Variants in NPIPB2 observed in about 807,000 individuals in gnomAD.
The protein encoded by NPIPB2 is nuclear pore complex-interacting protein family member B2.
Under a neutral mutation model 30.8 loss-of-function variants are expected in NPIPB2, and 27 were observed. The ratio of observed to expected loss-of-function variants is 0.88; its 90% CI spans 0.65 to 1.21. The LOEUF is 1.21. Ranked by LOEUF, NPIPB2 falls within the 50% of genes most tolerant of loss-of-function variation. The pLI, the probability that NPIPB2 is intolerant of heterozygous loss-of-function variation, is 0.00. For synonymous variants in NPIPB2, 147 were observed against 162.0 expected (o/e 0.91, Z 0.70); for missense variants, 440 against 446.2 (o/e 0.99, Z 0.13).
At chr16:11,951,696 A>G (rs1596500921) in intron 1 of NPIPB2, among the ~76,000 whole-genome samples, 2 of 148,500 alleles carry the variant, frequency 1.3e-5, no homozygotes, top group East Asian at 4.0e-4. Flanking sequence ...AATTCAGAGT[A>G]TGTCAAAGGG....
chr16:11,948,489 G>C (rs918835294), intron 1 of NPIPB2, among the ~76,000 whole-genome samples: 1 of 151,914 alleles, frequency 6.6e-6, no homozygotes, highest in African/African-American at 2.4e-5. Flanking sequence ...GAAACTTACT[G>C]GGCGCAGTGG....
chr16:11,944,677 C>T (rs192332755), upstream of NPIPB2, among the ~76,000 whole-genome samples: 90 of 122,358 alleles, frequency 7.4e-4, no homozygotes, highest in Non-Finnish European at 1.2e-3. Flanking sequence ...GCAGGAGAAT[C>T]GCTTGAACCT....
At chr16:11,951,075 C>T (rs948250273) in intron 1 of NPIPB2, among the ~76,000 whole-genome samples, 22 of 152,028 alleles carry the variant, frequency 1.4e-4, no homozygotes, top group Non-Finnish European at 2.9e-4. Flanking sequence ...ACATCTCTCT[C>T]ACTATGTCAA....
chr16:11,966,177 G>C (rs764035207), intron 1 of NPIPB2: 2 of 1,601,172 alleles, frequency 1.2e-6, no homozygotes, highest in African/African-American at 1.3e-5. Context: ...TTATCTGTCT[G>C]ATGTTCTTTT....
chr16:11,954,097 AT>A (rs34698612), intron 1 of NPIPB2, among the ~76,000 whole-genome samples: 3 of 151,000 alleles, frequency 2.0e-5, no homozygotes, highest in East Asian at 1.9e-4. Context: ...GTTATTTCCA[AT>A]TTTTTTTTGC....
At chr16:11,930,941 C>T (rs2150907370) in intron 4 of NPIPB2, among the ~76,000 whole-genome samples, 1 of 105,728 alleles carries the variant, frequency 9.5e-6, no homozygotes, top group South Asian at 4.1e-4. Context: ...CAATTCATCA[C>T]AACTAACTCC....
chr16:11,951,625 TACACACACACACACAC>T (rs1214348316), intron 1 of NPIPB2, among the ~76,000 whole-genome samples: 3 of 95,866 alleles, frequency 3.1e-5, no homozygotes, highest in African/African-American at 4.6e-5. Context: ...CACATACACA[TACACACACACACACAC>T]ACACACACAC....
chr16:11,969,563 T>C (rs2055222418), intron 1 of NPIPB2, among the ~76,000 whole-genome samples: 1 of 152,134 alleles, frequency 6.6e-6, no homozygotes, highest in Non-Finnish European at 1.5e-5. Flanking sequence ...CCTTTTCTCT[T>C]TATTGTTAAA....
chr16:11,953,691 A>T (rs1355081614), intron 1 of NPIPB2, among the ~76,000 whole-genome samples: 1 of 142,350 alleles, frequency 7.0e-6, no homozygotes, highest in Non-Finnish European at 1.5e-5. Context: ...TTGCTTTCAG[A>T]TCATCCTTTT....
At chr16:11,944,170 ATTTT>A (rs767446739), upstream of NPIPB2, among the ~76,000 whole-genome samples, 1 of 137,744 alleles carries the variant, frequency 7.3e-6, no homozygotes. Flanking sequence ...GATAAACTGG[ATTTT>A]TTTTTTTTTT....
chr16:11,949,026 C>T (rs931220542), intron 1 of NPIPB2, among the ~76,000 whole-genome samples: 4 of 151,626 alleles, frequency 2.6e-5, no homozygotes, highest in African/African-American at 7.3e-5. Flanking sequence ...CCTGTAATCC[C>T]AGCTTCTTGT....
Position 11,927,591 on chromosome 16 carries a change from C to T in NPIPB2, c.976G>A (p.Ala326Thr). The stretch of plus-strand genomic sequence containing the variant: ...TTTTCTGCCTCAGCCTCCTGAGTAG[C>T]TAAGGGAGGTGTCTTGAGATTATCA... Residue 326 changes from alanine (A) to threonine (T), a missense_variant, in exon 8 of 8, where the codon GCT becomes ACT. Coordinates refer to ENST00000399147, the Ensembl canonical transcript of NPIPB2. The T allele has an allele frequency of 3.7e-6, 6 of 1,603,930 alleles. No individual in the cohort carries two copies. The African/African-American group carries it at 5.4e-5, about 14-fold the overall frequency.
intron 1 of NPIPB2, among the ~76,000 whole-genome samples, chr16:11,947,338 T>G (rs200101103): frequency 1.2e-5 from 1 of 85,736 alleles, no homozygotes; most frequent in Admixed American, 1.1e-4. Context: ...ATATATATAT[T>G]TATTTATTTA....
At chr16:11,971,830 G>A (rs1018436133) in intron 1 of NPIPB2, among the ~76,000 whole-genome samples, 1 of 152,042 alleles carries the variant, frequency 6.6e-6, no homozygotes, top group Non-Finnish European at 1.5e-5. Context: ...GCAATTGGTT[G>A]AAAGAGTTAA....
intron 1 of NPIPB2, among the ~76,000 whole-genome samples, chr16:11,947,321 T>TG (rs1491116556): frequency 1.7e-5 from 1 of 57,714 alleles, no homozygotes; most frequent in Non-Finnish European, 5.1e-5. Context: ...TATTTATTTA[T>TG]TTATATATAT....
At chr16:11,966,193 A>T in intron 1 of NPIPB2, 1 of 1,607,720 alleles carries the variant, frequency 6.2e-7, no homozygotes, top group South Asian at 1.1e-5. Flanking sequence ...CTTTTCATAA[A>T]GGTGTGACCA....
At chr16:11,953,066 C>G (rs1389061366) in intron 1 of NPIPB2, among the ~76,000 whole-genome samples, 1 of 152,174 alleles carries the variant, frequency 6.6e-6, no homozygotes, top group Admixed American at 6.5e-5. Context: ...GTTCAGGTCT[C>G]TGCTGAATTC....
intron 1 of NPIPB2, chr16:11,965,502 T>C (rs370807058): frequency 6.3e-7 from 1 of 1,591,736 alleles, no homozygotes; most frequent in Non-Finnish European, 8.6e-7. Context: ...AACTATTCTG[T>C]CTATATGGAC....
At chr16:11,946,421 G>A, upstream of NPIPB2, among the ~76,000 whole-genome samples, 1 of 146,086 alleles carries the variant, frequency 6.8e-6, no homozygotes, top group Non-Finnish European at 1.5e-5. Context: ...TAAAAAATTA[G>A]CCAGGCGCAG....
Sources: gnomAD v4.1 joint callset for allele counts (sites outside exome capture counted in the v4.1 genomes callset) on GRCh38, gnomAD v4.1.1 for gene constraint, MANE v1.5 for transcripts, NCBI Gene and HGNC (gene_info 2026-07-23, HGNC 2026-07-21) for gene names.